The following ARMH3 variants were observed in gnomAD, a reference collection of about 807,000 sequenced individuals.
The protein encoded by ARMH3 is armadillo like helical domain containing 3, also known as armadillo-like helical domain-containing protein 3.
ARMH3 carries 60 observed loss-of-function variants against 99.1 expected under a neutral mutation model. The ratio of observed to expected loss-of-function variants is 0.61; its 90% CI spans 0.49 to 0.75. ARMH3 has a LOEUF of 0.75. ARMH3 is among the 30% of genes least tolerant of loss of function. ARMH3 has a pLI of 0.00. For missense variants in ARMH3, 679 were observed against 843.1 expected, an observed-to-expected ratio of 0.81 and a Z score of 2.41; for synonymous variants, 285 against 292.8, an observed-to-expected ratio of 0.97 and a Z score of 0.27.
chr10:101,855,774 A>ATT lies in ARMH3; in HGVS notation c.1861-5884_1861-5883dup, dbSNP rs2066724685. Among the ~76,000 whole-genome samples the ATT allele has an allele frequency of 3.4e-5, 5 of 147,436 alleles. No homozygotes were observed. The South Asian group carries it at 1.0e-3, about 31-fold the overall frequency. The stretch of plus-strand genomic sequence containing the variant: ...ATATTTATGTATTATATATAAATAT[A>ATT]TTATATATATATAAAGAAAAAAATA... On this transcript the variant is annotated intron_variant, in intron 24 of 25. Transcript: ENST00000370033.
At chr10:101,917,694 T>C (rs1490984070) in intron 23 of ARMH3, among the ~76,000 whole-genome samples, 3 of 152,244 alleles carry the variant, frequency 2.0e-5, no homozygotes, top group Non-Finnish European at 4.4e-5. Flanking sequence ...CCCAAGGGAA[T>C]AGCTGGGTTA....
At position 101,974,858 on chromosome 10, in the gene ARMH3, C is replaced by T. The variant is rs76755416; in HGVS notation, c.1495+354G>A. Among the ~76,000 whole-genome samples, 1,352 of 151,876 alleles carry T rather than the reference C, an allele frequency of 8.9e-3. 25 individuals carry two copies. Among genetic ancestry groups the T allele is most frequent in the African/African-American group, 0.031 (1,270 of 41,408 alleles). ...TCCATATGCGGCTATCAAATGAAAC[C>T]GAGTGAGAACCCAAGTTTGTACCGA... On this transcript the variant is annotated intron_variant, in intron 20 of 25. Transcript: ENST00000370033.
At chr10:102,029,064 G>A (rs1374191133) in intron 5 of ARMH3, among the ~76,000 whole-genome samples, 85 of 152,032 alleles carry the variant, frequency 5.6e-4, no homozygotes, top group Non-Finnish European at 1.5e-5. Flanking sequence ...TTGTGGAGAC[G>A]AGGTTTTGCC....
At chr10:102,054,251 T>C (rs137952072) in intron 1 of ARMH3, among the ~76,000 whole-genome samples, 424 of 152,004 alleles carry the variant, frequency 2.8e-3, no homozygotes, top group Non-Finnish European at 4.0e-3. Flanking sequence ...TAGCCAGGCA[T>C]GGTGGTGCGC....
rs186374193 is a variant in ARMH3, at chr10:101,894,109, C to T, written c.1782-4619G>A. Among the ~76,000 whole-genome samples, 3 of 152,306 alleles carry T rather than the reference C, an allele frequency of 2.0e-5. No individual in the cohort carries two copies. The East Asian group carries it at 5.8e-4, about 29-fold the overall frequency. The stretch of plus-strand genomic sequence containing the variant: ...ACAGTCTAGATTCAGTTAGTAGTCT[C>T]TAACTCAGTACCCACAAAGGCAGTA... On this transcript the variant is annotated intron_variant, in intron 23 of 25. Transcript: ENST00000370033.
intron 22 of ARMH3, among the ~76,000 whole-genome samples, chr10:101,948,560 T>C (rs1844652718): frequency 6.6e-6 from 1 of 152,098 alleles, no homozygotes; most frequent in African/African-American, 2.4e-5. Context: ...GATATAATAA[T>C]CCTAAATGTG....
chr10:101,845,957 T>C lies in ARMH3; in HGVS notation c.*1571A>G, dbSNP rs1044258. 39,744 of 152,200 alleles carry C rather than the reference T, an allele frequency of 0.26. 6,150 individuals are homozygous for C. The highest frequency in any genetic ancestry group is 0.35 in the Non-Finnish European group (23,594 of 67,986). The allele number at this position is 152,200 out of a possible 1,614,324, so 9.4% of individuals were successfully genotyped here. ...ACTCCTAGAATATACCAGTGCTGTT[T>C]GCTCCCGCCATCCTGAGGGCTTTAG... On this transcript the variant is annotated 3_prime_UTR_variant, in exon 26 of 26. Transcript: ENST00000370033.
At chr10:101,848,320 C>T (rs1211191721) in intron 25 of ARMH3, among the ~76,000 whole-genome samples, 1 of 152,136 alleles carries the variant, frequency 6.6e-6, no homozygotes, top group Non-Finnish European at 1.5e-5. Context: ...ACTCTCTACC[C>T]ACAGAACCCT....
chr10:101,901,416 G>T (rs552096821), intron 23 of ARMH3, among the ~76,000 whole-genome samples: 1 of 152,012 alleles, frequency 6.6e-6, no homozygotes, highest in African/African-American at 2.4e-5. Context: ...TTAAGCAAAC[G>T]AACATTTACC....
intron 23 of ARMH3, among the ~76,000 whole-genome samples, chr10:101,899,564 A>G (rs537188264): frequency 8.3e-4 from 127 of 152,246 alleles, no homozygotes; most frequent in Non-Finnish European, 1.6e-3. Context: ...CCAAATCACC[A>G]ACAACAAAAA....
chr10:102,023,441 G>A (rs2066932263), intron 8 of ARMH3, 36 bp downstream of exon 8: 1 of 1,563,624 alleles, frequency 6.4e-7, no homozygotes, highest in African/African-American at 1.4e-5. Flanking sequence ...GAAGATTATA[G>A]GCAGATAACA....
Position 101,984,605 on chromosome 10 carries a change from C to T in ARMH3, c.1406+5946G>A, listed in dbSNP as rs150745121. On this transcript the variant is annotated intron_variant, in intron 19 of 25. Coordinates refer to ENST00000370033, the MANE Select transcript of ARMH3 (RefSeq NM_024541.3). ...AGCACCAATGAGATGCGACCTACAT[C>T]CCCAACCCCTGCGGCCATCTATCCA... Among the ~76,000 whole-genome samples the T allele has an allele frequency of 4.8e-3, 730 of 152,170 alleles. 3 individuals are homozygous for T. The highest frequency in any genetic ancestry group is 9.4e-3 in the Admixed American group (143 of 15,268).
At chr10:101,975,750 G>A (rs1305668796) in intron 19 of ARMH3, among the ~76,000 whole-genome samples, 1 of 151,948 alleles carries the variant, frequency 6.6e-6, no homozygotes, top group Non-Finnish European at 1.5e-5. Flanking sequence ...TGTAGTCCCA[G>A]CTACTCGGTT....
intron 23 of ARMH3, among the ~76,000 whole-genome samples, chr10:101,892,281 C>T (rs1589975455): frequency 6.6e-6 from 1 of 151,632 alleles, no homozygotes; most frequent in East Asian, 1.9e-4. Context: ...CTTGTCTCTA[C>T]AAAATAAAAA....
intron 23 of ARMH3, among the ~76,000 whole-genome samples, chr10:101,909,053 A>G (rs2135535749): frequency 6.6e-6 from 1 of 152,262 alleles, no homozygotes; most frequent in Non-Finnish European, 1.5e-5. Flanking sequence ...AAGGCACACT[A>G]TGGACACAGA....
chr10:101,850,392 C>G (rs902851727), intron 24 of ARMH3, among the ~76,000 whole-genome samples: 7 of 150,224 alleles, frequency 4.7e-5, no homozygotes, highest in Middle Eastern at 3.5e-3. Context: ...AGCCATTGAG[C>G]CTGGCCAACT....
At chr10:102,021,027 A>C (rs2066873149) in intron 8 of ARMH3, among the ~76,000 whole-genome samples, 1 of 152,036 alleles carries the variant, frequency 6.6e-6, no homozygotes, top group South Asian at 2.1e-4. Context: ...CATGAAGATC[A>C]ACAACTATTT....
At chr10:101,958,682 G>A (rs4919605) in intron 20 of ARMH3, among the ~76,000 whole-genome samples, 54 of 151,954 alleles carry the variant, frequency 3.6e-4, no homozygotes, top group Admixed American at 3.1e-3. Flanking sequence ...CCCAAGAAAA[G>A]GCTTGACCTC....
chr10:101,858,949 A>G (rs1307390479), intron 24 of ARMH3, among the ~76,000 whole-genome samples: 1 of 152,230 alleles, frequency 6.6e-6, no homozygotes, highest in East Asian at 1.9e-4. Context: ...TCTCTCATCA[A>G]GGTCACGTGG....
Sources: gnomAD v4.1 joint callset for allele counts (sites outside exome capture counted in the v4.1 genomes callset) on GRCh38, gnomAD v4.1.1 for gene constraint, MANE v1.5 for transcripts, NCBI Gene and HGNC (gene_info 2026-07-23, HGNC 2026-07-21) for gene names.